The following IRAK2 variants were observed in gnomAD, a reference collection of about 807,000 sequenced individuals.
IRAK2 encodes interleukin 1 receptor associated kinase 2, also known as interleukin-1 receptor-associated kinase-like 2.
Under a neutral mutation model 72.0 loss-of-function variants are expected in IRAK2, and 57 were observed. That is an observed-to-expected ratio of 0.79 (90% CI 0.64 to 0.99). The LOEUF is 0.99. Among genes scored for constraint, IRAK2 ranks in the 50% least tolerant of loss-of-function variants. The probability of loss-of-function intolerance (pLI) is 0.00; values close to 1 mark genes in which losing one functional copy is unlikely to be tolerated. For missense variants in IRAK2, 790 were observed against 794.4 expected (o/e 0.99, Z 0.07); for synonymous variants, 293 against 312.7 (o/e 0.94, Z 0.67).
intron 12 of IRAK2, 132 bp from the exon 13 acceptor site, chr3:10,241,984 A>T (rs1210730754): frequency 4.6e-6 from 2 of 431,674 alleles, no homozygotes; most frequent in East Asian, 4.7e-5. Context: ...ATAAAAAAAA[A>T]AGAAAAAAAA....
At chr3:10,167,830 CT>C (rs1696721149) in intron 1 of IRAK2, among the ~76,000 whole-genome samples, 2 of 152,202 alleles carry the variant, frequency 1.3e-5, no homozygotes, top group Non-Finnish European at 2.9e-5. Flanking sequence ...AATAGTGCTG[CT>C]GTGAACACTC....
In IRAK2 at chr3:10,165,175, T is replaced by C. The variant is rs536880697; in HGVS notation, c.94+127T>C. On this transcript the variant is annotated intron_variant, in intron 1 of 12. Coordinates refer to ENST00000256458, the MANE Select transcript of IRAK2 (RefSeq NM_001570.4). ...GGTCCCGATCCGAGGGCGTGCGAGC[T>C]GAGCCTCCTGGACCGGGTCCGCCGC... is the stretch of plus-strand genomic sequence containing the variant. 161 of 763,284 alleles carry C rather than the reference T, an allele frequency of 2.1e-4. 2 individuals are homozygous for C. The South Asian group carries it at 2.7e-3, about 13-fold the overall frequency. The allele number at this position is 763,284 out of a possible 1,614,324, so 47.3% of individuals were successfully genotyped here.
intron 6 of IRAK2, among the ~76,000 whole-genome samples, chr3:10,215,734 A>G (rs1229883568): frequency 7.0e-6 from 1 of 142,506 alleles, no homozygotes; most frequent in African/African-American, 2.6e-5. Flanking sequence ...ATACATGTAT[A>G]TGAATACTCA....
In IRAK2 at chr3:10,177,829, C is replaced by A. The variant is rs1382713189; in HGVS notation, c.95-9C>A. 5 of 1,610,972 alleles carry A rather than the reference C, an allele frequency of 3.1e-6. No homozygotes were observed. The highest frequency in any genetic ancestry group is 4.2e-6 in the Non-Finnish European group (5 of 1,179,870). On this transcript the variant is annotated splice_polypyrimidine_tract_variant and intron_variant, in intron 1 of 12. Transcript: ENST00000256458. ...TGACTCTAAGCAGAGTTCTCTCCGT[C>A]CCTTCCAGCCTCCTACGTGATCACA...
chr3:10,171,769 C>CT (rs145535598), intron 1 of IRAK2, among the ~76,000 whole-genome samples: 48,769 of 137,906 alleles, frequency 0.35, 8,784 homozygotes, highest in Admixed American at 0.43. Context: ...TGCACCCAGC[C>CT]TTTTTTTTTT....
intron 10 of IRAK2, among the ~76,000 whole-genome samples, chr3:10,227,430 A>C (rs1697797137): frequency 6.6e-6 from 1 of 152,190 alleles, no homozygotes; most frequent in South Asian, 2.1e-4. Context: ...CCTGGGTGAC[A>C]GAGTGAGACC....
At chr3:10,227,627 G>T (rs191750895) in intron 10 of IRAK2, among the ~76,000 whole-genome samples, 170 of 151,952 alleles carry the variant, frequency 1.1e-3, no homozygotes, top group African/African-American at 3.8e-3. Context: ...GTCAGAGCTG[G>T]AATTCTGAGT....
rs771895715 is a variant in IRAK2, at chr3:10,242,126, T to G, written c.1776T>G (p.Thr592=). The change falls in exon 13 of 13, where the codon ACT becomes ACG. Residue 592 remains threonine, a synonymous_variant. Coordinates refer to ENST00000256458, the MANE Select transcript of IRAK2 (RefSeq NM_001570.4). Reference sequence around the variant, plus strand: ...TCTGTTGAACATCAGTTACAGAAACTTCGTGGCAAATTGAGATCAATGAGG... The same window carrying G: ...TCTGTTGAACATCAGTTACAGAAACGTCGTGGCAAATTGAGATCAATGAGG... ...GLEPPQDVTE[T]SWQIEINEAK... The G allele has an allele frequency of 1.9e-6, 3 of 1,606,002 alleles. No individual in the cohort carries two copies. Among genetic ancestry groups the G allele is most frequent in the Non-Finnish European group, 2.6e-6 (3 of 1,173,946 alleles).
intron 7 of IRAK2, among the ~76,000 whole-genome samples, chr3:10,218,420 T>G: frequency 9.3e-6 from 1 of 107,570 alleles, no homozygotes; most frequent in Non-Finnish European, 1.9e-5. Flanking sequence ...TGAGACTCCG[T>G]CTCAAAAAAA....
chr3:10,193,790 G>A (rs953044293), intron 2 of IRAK2, among the ~76,000 whole-genome samples: 2 of 152,240 alleles, frequency 1.3e-5, no homozygotes, highest in Non-Finnish European at 1.5e-5. Context: ...CCTCCAGTGT[G>A]TGACTGAGGC....
chr3:10,219,550 A>T (rs1575981909), intron 7 of IRAK2, 130 bp from the exon 8 acceptor site: 11 of 652,218 alleles, frequency 1.7e-5, no homozygotes, highest in East Asian at 5.5e-5. Flanking sequence ...GATCTCCTGA[A>T]CTAGTGATCT....
chr3:10,180,909 T>C (rs1387041523), intron 2 of IRAK2, among the ~76,000 whole-genome samples: 1 of 152,084 alleles, frequency 6.6e-6, no homozygotes, highest in Non-Finnish European at 1.5e-5. Context: ...TCCCTTCAGC[T>C]GGCAAGCAAC....
intron 2 of IRAK2, among the ~76,000 whole-genome samples, chr3:10,183,380 G>A (rs1358350335): frequency 1.3e-5 from 2 of 152,152 alleles, no homozygotes; most frequent in Admixed American, 1.3e-4. Flanking sequence ...AGCCTTAGTT[G>A]CCAAGGCCGT....
intron 2 of IRAK2, among the ~76,000 whole-genome samples, chr3:10,190,146 C>T (rs757970807): frequency 6.6e-5 from 10 of 150,756 alleles, no homozygotes; most frequent in Non-Finnish European, 1.3e-4. Flanking sequence ...TGACCTTACC[C>T]GCTTCTTGGT....
At chr3:10,165,721 ATTTTTTTT>A (rs34176794) in intron 1 of IRAK2, among the ~76,000 whole-genome samples, 18 of 76,776 alleles carry the variant, frequency 2.3e-4, no homozygotes, top group Admixed American at 7.4e-4. Flanking sequence ...GTCTTGAACT[ATTTTTTTT>A]TTTTTTTTTT....
chr3:10,223,908 C>T (rs570900295), intron 9 of IRAK2, among the ~76,000 whole-genome samples: 5 of 152,350 alleles, frequency 3.3e-5, no homozygotes, highest in East Asian at 3.9e-4. Flanking sequence ...GGCCCTGAGT[C>T]ACCTCTGCCC....
intron 1 of IRAK2, among the ~76,000 whole-genome samples, chr3:10,171,353 C>A (rs1464819618): frequency 6.6e-6 from 1 of 152,102 alleles, no homozygotes; most frequent in Non-Finnish European, 1.5e-5. Context: ...CATGAAGCAC[C>A]CTCACAGTGT....
intron 1 of IRAK2, 31 bp downstream of exon 1, chr3:10,165,079 A>G: frequency 6.4e-7 from 1 of 1,573,034 alleles, no homozygotes; most frequent in Non-Finnish European, 8.7e-7. Flanking sequence ...GGAGGGGACC[A>G]GGGCGACCGG....
At chr3:10,221,428 T>C (rs1697690620) in intron 8 of IRAK2, among the ~76,000 whole-genome samples, 1 of 151,124 alleles carries the variant, frequency 6.6e-6, no homozygotes, top group Non-Finnish European at 1.5e-5. Flanking sequence ...TAACTTTTTG[T>C]ATTTTTAGTA....
Sources: gnomAD v4.1 joint callset for allele counts (sites outside exome capture counted in the v4.1 genomes callset) on GRCh38, gnomAD v4.1.1 for gene constraint, MANE v1.5 for transcripts, NCBI Gene and HGNC (gene_info 2026-07-23, HGNC 2026-07-21) for gene names.